KRT222: variants seen among roughly 807,000 people sequenced by gnomAD.
KRT222 encodes keratin 222.
A neutral mutation model predicts 35.0 loss-of-function variants in KRT222; 23 were observed. The ratio of observed to expected loss-of-function variants is 0.66; its 90% CI spans 0.47 to 0.93. The LOEUF (loss-of-function observed/expected upper bound fraction) is 0.93, where lower values mean the gene tolerates loss of function less well. Among genes scored for constraint, KRT222 ranks in the 40% least tolerant of loss-of-function variants. The pLI, the probability that KRT222 is intolerant of heterozygous loss-of-function variation, is 0.00. For synonymous variants in KRT222, 108 were observed against 118.8 expected (o/e 0.91, Z 0.59); for missense variants, 339 against 346.3 (o/e 0.98, Z 0.17).
chr17:40,661,412 G>A (rs975643342), intron 2 of KRT222, among the ~76,000 whole-genome samples: 11 of 151,852 alleles, frequency 7.2e-5, no homozygotes, highest in African/African-American at 1.9e-4. Flanking sequence ...GACAACAGGC[G>A]CGTGCCACCA....
intron 5 of KRT222, 72 bp from the exon 6 acceptor site, chr17:40,656,702 A>G (rs2037347071): frequency 1.3e-6 from 1 of 763,694 alleles, no homozygotes; most frequent in Non-Finnish European, 2.1e-6. Context: ...TATATATTTC[A>G]TATCTATGGA....
rs2037414259 is a variant in KRT222 at position 40,665,173 on chromosome 17, T to TGC, written c.-76_-75dup. The TGC allele has an allele frequency of 2.1e-6, 3 of 1,400,446 alleles. No individual in the cohort carries two copies. The highest frequency in any genetic ancestry group is 3.0e-6 in the Non-Finnish European group (3 of 991,732). The allele number at this position is 1,400,446 out of a possible 1,614,324, so 86.8% of individuals were successfully genotyped here. On this transcript the variant is annotated 5_prime_UTR_variant, in exon 1 of 6. Transcript: ENST00000394052. ...AGTCGCTGCGGCAGTCTGCTCGGTC[T>TGC]GCGCGGAAGGCAGGGAGCCTCGCAG...
At chr17:40,662,949 AT>A (rs1447441539) in intron 1 of KRT222, among the ~76,000 whole-genome samples, 2 of 152,076 alleles carry the variant, frequency 1.3e-5, no homozygotes, top group Non-Finnish European at 2.9e-5. Flanking sequence ...CATACATTAG[AT>A]TTTTTTAAAA....
intron 2 of KRT222, 106 bp from the exon 3 acceptor site, chr17:40,660,313 C>T (rs1307248437): frequency 3.5e-5 from 31 of 878,868 alleles, no homozygotes; most frequent in Admixed American, 1.3e-4. Context: ...TGGAGTCTCA[C>T]CCTGTTGCCC....
chr17:40,660,071 T>C lies in KRT222; in HGVS notation c.362A>G (p.Glu121Gly). The part of the protein sequence containing the change: ...VRRGIEKQLQ[E>G]HEMLLNTKMR... ...CTTCGTGTTGAGAAGCATCTCGTGC[T>C]CTTGAAGCTGCTTTTCGATGCCGCG... is the stretch of plus-strand genomic sequence containing the variant. Residue 121 changes from glutamate to glycine, a missense_variant, in exon 3 of 6, where the codon GAG (glutamate) becomes GGG (glycine). Physicochemically the swap from Glu to Gly is moderately conservative, Grantham distance 98. Coordinates refer to ENST00000394052, the MANE Select transcript of KRT222 (RefSeq NM_152349.3). 1 of 1,614,222 alleles carries C rather than the reference T, an allele frequency of 6.2e-7. No individual in the cohort carries two copies. The highest frequency in any genetic ancestry group is 8.5e-7 in the Non-Finnish European group (1 of 1,180,034).
chr17:40,660,354 C>G (rs1020022457), intron 2 of KRT222, 147 bp from the exon 3 acceptor site: 1 of 636,430 alleles, frequency 1.6e-6, no homozygotes, highest in African/African-American at 1.9e-5. Context: ...GATCTCGGTT[C>G]ACTGGAAACT....
At chr17:40,661,596 T>C (rs2037384340) in intron 2 of KRT222, among the ~76,000 whole-genome samples, 1 of 152,210 alleles carries the variant, frequency 6.6e-6, no homozygotes, top group Non-Finnish European at 1.5e-5. Flanking sequence ...CTCAATGGCA[T>C]GGATAAAAGA....
intron 2 of KRT222, 99 bp downstream of exon 2, chr17:40,661,817 G>T (rs2037385447): frequency 7.0e-7 from 1 of 1,430,250 alleles, no homozygotes. Flanking sequence ...TTGATTTCCA[G>T]TTTCTCATGG....
rs2037377849 is a variant in KRT222 at position 40,660,669 on chromosome 17, G to A, written c.226-462C>T. On this transcript the variant is annotated intron_variant, in intron 2 of 5. Coordinates refer to ENST00000394052, the MANE Select transcript of KRT222 (RefSeq NM_152349.3). ...GAGGTGTGTTTCCTTACAGCTTTGT[G>A]TGACCCCTAATTATTAAAAAATTAT... Among the ~76,000 whole-genome samples, 6 of 151,626 alleles carry A rather than the reference G, an allele frequency of 4.0e-5. No homozygotes were observed. In the South Asian group the frequency reaches 1.3e-3, roughly 32 times the overall value.
intron 1 of KRT222, among the ~76,000 whole-genome samples, chr17:40,664,281 TTAAAAC>T (rs1364981809): frequency 1.3e-5 from 2 of 152,200 alleles, no homozygotes; most frequent in African/African-American, 2.4e-5. Context: ...GATTGTTACT[TTAAAAC>T]TAAGTCTATG....
intron 3 of KRT222, among the ~76,000 whole-genome samples, chr17:40,658,206 A>AT (rs1567852974): frequency 1.3e-5 from 2 of 148,986 alleles, no homozygotes; most frequent in East Asian, 2.0e-4. Flanking sequence ...TGGTCATTAT[A>AT]TTTTTTTGAA....
intron 1 of KRT222, among the ~76,000 whole-genome samples, chr17:40,664,504 A>G (rs1318252493): frequency 6.6e-6 from 1 of 152,180 alleles, no homozygotes; most frequent in Non-Finnish European, 1.5e-5. Flanking sequence ...CACTCAGATG[A>G]TTTCTATTTA....
intron 2 of KRT222, among the ~76,000 whole-genome samples, chr17:40,661,612 CACTGTTAAG>C (rs2037384445): frequency 6.6e-6 from 1 of 152,144 alleles, no homozygotes; most frequent in Non-Finnish European, 1.5e-5. Context: ...AAAGAATCTC[CACTGTTAAG>C]ACTTTGGATA....
At position 40,665,168 on chromosome 17, in the gene KRT222, C is replaced by G; in HGVS notation, c.-69G>C. On this transcript the variant is annotated 5_prime_UTR_variant, in exon 1 of 6. Transcript: ENST00000394052. ...GGATGAGTCGCTGCGGCAGTCTGCT[C>G]GGTCTGCGCGGAAGGCAGGGAGCCT... 2.8e-6 allele frequency: 4 copies of G among 1,442,426 alleles called. No individual in the cohort carries two copies. Among genetic ancestry groups the G allele is most frequent in the Non-Finnish European group, 2.9e-6 (3 of 1,028,870 alleles). 89.4% of individuals were successfully genotyped at this position (1,442,426 alleles called of 1,614,324 possible).
chr17:40,665,073 C>G lies in KRT222; in HGVS notation c.27G>C (p.Glu9Asp). 6.2e-7 allele frequency: 1 copy of G among 1,614,024 alleles called. No individual in the cohort carries two copies. Among genetic ancestry groups the G allele is most frequent in the Non-Finnish European group, 8.5e-7 (1 of 1,179,992 alleles). ...GGATCTTTTCATAGTTTGCCCTGAT[C>G]TCATTGAGTAGCTGGGACAGTTCCA... MELSQLLN[E>D]IRANYEKILT... Residue 9 changes from glutamate to aspartate, a missense_variant, in exon 1 of 6, where the codon GAG (glutamate) becomes GAC (aspartate). Coordinates refer to ENST00000394052, the MANE Select transcript of KRT222 (RefSeq NM_152349.3).
chr17:40,661,581 G>A (rs1449049808), intron 2 of KRT222, among the ~76,000 whole-genome samples: 2 of 152,110 alleles, frequency 1.3e-5, no homozygotes, highest in Non-Finnish European at 2.9e-5. Context: ...TTTTTTATTC[G>A]ACGTCTCAAT....
At chr17:40,663,704 T>G (rs979598712) in intron 1 of KRT222, among the ~76,000 whole-genome samples, 5 of 152,232 alleles carry the variant, frequency 3.3e-5, no homozygotes, top group African/African-American at 1.2e-4. Context: ...TCAGCTGACT[T>G]TCTGAGTTAT....
chr17:40,660,302 A>C, intron 2 of KRT222, 95 bp from the exon 3 acceptor site: 1 of 976,888 alleles, frequency 1.0e-6, no homozygotes, highest in Non-Finnish European at 1.5e-6. Flanking sequence ...TTTTTTTGAG[A>C]TGGAGTCTCA....
At chr17:40,664,230 A>G (rs2037405683) in intron 1 of KRT222, among the ~76,000 whole-genome samples, 1 of 152,170 alleles carries the variant, frequency 6.6e-6, no homozygotes, top group African/African-American at 2.4e-5. Context: ...TTGTTTGTAA[A>G]TTTGTTTAAA....
Sources: allele counts gnomAD v4.1 joint callset (sites outside exome capture counted in the v4.1 genomes callset), GRCh38; gene constraint gnomAD v4.1.1; transcripts MANE v1.5; gene names NCBI Gene and HGNC (gene_info 2026-07-23, HGNC 2026-07-21).